MARCHF1: variants seen among roughly 807,000 people sequenced by gnomAD.
MARCHF1 encodes the protein E3 ubiquitin-protein ligase MARCHF1.
A neutral mutation model predicts 54.2 loss-of-function variants in MARCHF1; 40 were observed. The observed-to-expected ratio is 0.74, with a 90% CI of 0.57 to 0.96. The LOEUF (loss-of-function observed/expected upper bound fraction) is 0.96, where lower values mean the gene tolerates loss of function less well. Among genes scored for constraint, MARCHF1 ranks in the 40% least tolerant of loss-of-function variants. MARCHF1 has a pLI of 0.00. For missense variants in MARCHF1, 586 were observed against 656.5 expected, an observed-to-expected ratio of 0.89 and a Z score of 1.17; for synonymous variants, 236 against 236.3, an observed-to-expected ratio of 1.00 and a Z score of 0.01.
intron 5 of MARCHF1, among the ~76,000 whole-genome samples, chr4:163,656,640 C>A (rs969476140): frequency 6.6e-6 from 1 of 151,926 alleles, no homozygotes; most frequent in African/African-American, 2.4e-5. Context: ...TGATGAACAT[C>A]GATGCAGAAA....
intron 1 of MARCHF1, among the ~76,000 whole-genome samples, chr4:164,296,618 C>G (rs566903197): frequency 2.6e-5 from 4 of 152,240 alleles, no homozygotes; most frequent in East Asian, 3.9e-4. Flanking sequence ...GATCTGCCCC[C>G]CTTGGCCTCC....
chr4:164,056,094 A>C (rs572962122), intron 2 of MARCHF1, among the ~76,000 whole-genome samples: 2 of 152,264 alleles, frequency 1.3e-5, no homozygotes, highest in Middle Eastern at 6.8e-3. Context: ...GCACACATTA[A>C]TTGGTGCTTG....
intron 1 of MARCHF1, among the ~76,000 whole-genome samples, chr4:164,240,915 T>C (rs937510993): frequency 6.6e-6 from 1 of 152,130 alleles, no homozygotes; most frequent in Non-Finnish European, 1.5e-5. Context: ...CTAAGGCCTA[T>C]GCATTTTTAG....
chr4:164,298,546 T>C (rs2111387477), intron 1 of MARCHF1, among the ~76,000 whole-genome samples: 1 of 152,268 alleles, frequency 6.6e-6, no homozygotes, highest in Admixed American at 6.5e-5. Context: ...TCACATAATG[T>C]GATGCAATAC....
At chr4:164,232,488 T>C (rs979552338) in intron 1 of MARCHF1, among the ~76,000 whole-genome samples, 7 of 152,066 alleles carry the variant, frequency 4.6e-5, no homozygotes, top group African/African-American at 1.7e-4. Context: ...TGATAGCCAA[T>C]AGCCAAAAAT....
chr4:163,935,463 C>T (rs1462959862), intron 3 of MARCHF1, among the ~76,000 whole-genome samples: 1 of 152,182 alleles, frequency 6.6e-6, no homozygotes, highest in Non-Finnish European at 1.5e-5. Context: ...TTTGCTGCCT[C>T]ACCTTGCTCT....
At chr4:164,210,387 C>T (rs1731731340) in intron 1 of MARCHF1, among the ~76,000 whole-genome samples, 2 of 151,996 alleles carry the variant, frequency 1.3e-5, no homozygotes, top group African/African-American at 2.4e-5. Flanking sequence ...ATGAGCAACT[C>T]GAATGAAAAT....
chr4:163,946,458 G>T (rs1172845618), intron 3 of MARCHF1, among the ~76,000 whole-genome samples: 1 of 151,788 alleles, frequency 6.6e-6, no homozygotes, highest in Admixed American at 6.6e-5. Flanking sequence ...TTATACCTTG[G>T]TCTATTGTAT....
At chr4:164,230,030 C>T (rs571310644) in intron 1 of MARCHF1, among the ~76,000 whole-genome samples, 10 of 152,288 alleles carry the variant, frequency 6.6e-5, no homozygotes, top group African/African-American at 2.4e-4. Context: ...CTTCCTACTT[C>T]AGCCTCTGGA....
chr4:164,129,121 A>G (rs1756247465), intron 1 of MARCHF1, among the ~76,000 whole-genome samples: 1 of 152,196 alleles, frequency 6.6e-6, no homozygotes, highest in African/African-American at 2.4e-5. Context: ...CCTTGGAGAA[A>G]TGATGGAGAA....
intron 1 of MARCHF1, among the ~76,000 whole-genome samples, chr4:164,324,040 A>G (rs1008505416): frequency 2.0e-5 from 3 of 151,604 alleles, no homozygotes; most frequent in African/African-American, 7.3e-5. Context: ...ATAAAGACTA[A>G]TTTTAATTAT....
At chr4:164,241,746 G>C (rs1202451969) in intron 1 of MARCHF1, among the ~76,000 whole-genome samples, 1 of 152,200 alleles carries the variant, frequency 6.6e-6, no homozygotes, top group East Asian at 1.9e-4. Flanking sequence ...GTGCCAGACA[G>C]TGGGCACAGG....
At chr4:164,142,960 A>T (rs961639143) in intron 1 of MARCHF1, among the ~76,000 whole-genome samples, 9 of 152,146 alleles carry the variant, frequency 5.9e-5, no homozygotes, top group Middle Eastern at 3.4e-3. Flanking sequence ...GAATAACCAA[A>T]ACAGAGAAGA....
chr4:164,144,710 G>A (rs1318387826), intron 1 of MARCHF1, among the ~76,000 whole-genome samples: 3 of 125,254 alleles, frequency 2.4e-5, no homozygotes, highest in Non-Finnish European at 4.7e-5. Flanking sequence ...ATGCCCACAA[G>A]AGAAAGCAGG....
At chr4:164,313,348 CAAA>C (rs553280791) in intron 1 of MARCHF1, among the ~76,000 whole-genome samples, 2 of 80,216 alleles carry the variant, frequency 2.5e-5, no homozygotes, top group Non-Finnish European at 2.6e-5. Context: ...GACTCTGTCT[CAAA>C]AAAAAAAAAA....
intron 1 of MARCHF1, among the ~76,000 whole-genome samples, chr4:164,135,676 A>G (rs191109346): frequency 3.0e-4 from 46 of 152,334 alleles, no homozygotes; most frequent in East Asian, 2.1e-3. Context: ...ACAATTCAAG[A>G]TGAGAATTGG....
In MARCHF1 at chr4:164,109,912, TAAAAAAAA is replaced by T. The variant is rs57433858; in HGVS notation, c.-248+1668_-248+1675del. Among the ~76,000 whole-genome samples, 11 of 63,152 alleles carry T rather than the reference TAAAAAAAA, an allele frequency of 1.7e-4. No individual in the cohort carries two copies. The South Asian group carries it at 5.9e-3, about 34-fold the overall frequency. The allele number at this position is 63,152 out of a possible 152,430, so 41.4% of individuals were successfully genotyped here. A position where few individuals can be genotyped will look rare whatever the true frequency, so the allele number is the denominator to read the frequency against. On this transcript the variant is annotated intron_variant, in intron 2 of 9. Transcript: ENST00000514618. ...CATACCCCTGAACCTAAAATAAAAGTAAAAAAAAAAAAAAAAAAAAAAAAGAAAATGTA... is the reference window on the plus strand; with the variant it reads ...CATACCCCTGAACCTAAAATAAAAGTAAAAAAAAAAAAAAAAGAAAATGTA...
At chr4:163,834,538 G>A (rs1560778839) in intron 4 of MARCHF1, among the ~76,000 whole-genome samples, 1 of 151,348 alleles carries the variant, frequency 6.6e-6, no homozygotes, top group Non-Finnish European at 1.5e-5. Context: ...TGTCATGCTG[G>A]TACACTGCAC....
intron 1 of MARCHF1, among the ~76,000 whole-genome samples, chr4:164,220,777 T>G (rs1732089049): frequency 6.8e-6 from 1 of 147,700 alleles, no homozygotes; most frequent in Non-Finnish European, 1.5e-5. Flanking sequence ...ATATATTTTT[T>G]TTTGGAAATA....
Sources: allele counts gnomAD v4.1 joint callset (sites outside exome capture counted in the v4.1 genomes callset), GRCh38; gene constraint gnomAD v4.1.1; transcripts MANE v1.5; gene names NCBI Gene and HGNC (gene_info 2026-07-23, HGNC 2026-07-21).